The following ODF4 variants were observed in gnomAD, a reference collection of about 807,000 sequenced individuals.
ODF4 encodes outer dense fiber of sperm tails 4.
Under a neutral mutation model 17.0 loss-of-function variants are expected in ODF4, and 11 were observed. That is an observed-to-expected ratio of 0.65 (90% CI 0.41 to 1.07). The LOEUF is 1.07. ODF4 is among the 50% of genes least tolerant of loss of function. ODF4 has a pLI of 0.00. For synonymous variants in ODF4, 127 were observed against 121.8 expected (o/e 1.04, Z -0.28); for missense variants, 281 against 310.2 (o/e 0.91, Z 0.71).
intron 1 of ODF4, among the ~76,000 whole-genome samples, chr17:8,342,865 T>G (rs1379676614): frequency 2.0e-5 from 3 of 151,696 alleles, no homozygotes; most frequent in African/African-American, 4.8e-5. Context: ...CCCAAGTAGC[T>G]GGCACCACAG....
rs1905937172 is a variant in ODF4 at position 8,339,983 on chromosome 17, C to T, written c.-69C>T. On this transcript the variant is annotated 5_prime_UTR_variant, in exon 1 of 3. It introduces an in-frame stop codon into an upstream open reading frame of the 5' UTR. Transcript: ENST00000328248. ...CATGGTGGCAGCTGATGAAAATATC[C>T]AAAAGATGAGAAGAGACAATTGAGT... 9.5e-7 allele frequency: 1 copy of T among 1,055,940 alleles called. No individual in the cohort carries two copies. Among genetic ancestry groups the T allele is most frequent in the Admixed American group, 3.0e-5 (1 of 33,456 alleles). The allele number at this position is 1,055,940 out of a possible 1,614,324, so 65.4% of individuals were successfully genotyped here. A position where few individuals can be genotyped will look rare whatever the true frequency, so the allele number is the denominator to read the frequency against.
chr17:8,342,602 C>G (rs1305457065), intron 1 of ODF4, among the ~76,000 whole-genome samples: 1 of 152,176 alleles, frequency 6.6e-6, no homozygotes, highest in Non-Finnish European at 1.5e-5. Flanking sequence ...TGTGTATAAA[C>G]AGTGAAAATT....
chr17:8,340,461 A>G lies in ODF4; in HGVS notation c.410A>G (p.His137Arg), dbSNP rs983001643. Residue 137 changes from histidine to arginine, a missense_variant, in exon 1 of 3, where the codon CAC (histidine) becomes CGC (arginine). His to Arg is a conservative substitution (Grantham distance 29). Coordinates refer to ENST00000328248, the MANE Select transcript of ODF4 (RefSeq NM_153007.5). Reference sequence around the variant, plus strand: ...CACGTTATGTCCATGGGGCTCCTGCACTTTTACAAATCCAGGAGCTGTTCT... The same window carrying G: ...CACGTTATGTCCATGGGGCTCCTGCGCTTTTACAAATCCAGGAGCTGTTCT... ...SAHVMSMGLL[H>R]FYKSRSCSDL... 2 of 1,613,532 alleles carry G rather than the reference A, an allele frequency of 1.2e-6. No homozygotes were observed. The highest frequency in any genetic ancestry group is 2.7e-5 in the African/African-American group (2 of 74,900).
At chr17:8,344,952 G>T in intron 1 of ODF4, 1 of 1,010,710 alleles carries the variant, frequency 9.9e-7, no homozygotes, top group Non-Finnish European at 1.2e-6. Context: ...GCTGGGCCTC[G>T]TCCTCACCAT....
At chr17:8,341,734 G>A (rs1279457454) in intron 1 of ODF4, among the ~76,000 whole-genome samples, 1 of 151,462 alleles carries the variant, frequency 6.6e-6, no homozygotes, top group Non-Finnish European at 1.5e-5. Context: ...TGCTCCTGGG[G>A]AAAACCAGAG....
In ODF4 at chr17:8,340,309, G is replaced by A. The variant is rs750826291; in HGVS notation, c.258G>A (p.Glu86=). Residue 86 remains glutamate (E), a synonymous_variant, in exon 1 of 3, where the codon GAG becomes GAA. Coordinates refer to ENST00000328248, the MANE Select transcript of ODF4 (RefSeq NM_153007.5). Reference sequence around the variant, plus strand: ...GGATGGCCCAGGTGTTGGCCTCTGAGCTCAGCCTGGTTGCCTTTATCCTAC... The same window carrying A: ...GGATGGCCCAGGTGTTGGCCTCTGAACTCAGCCTGGTTGCCTTTATCCTAC... ...FRWMAQVLAS[E]LSLVAFILLL... 65 of 1,613,420 alleles carry A rather than the reference G, an allele frequency of 4.0e-5. No individual in the cohort carries two copies. Among genetic ancestry groups the A allele is most frequent in the Non-Finnish European group, 5.5e-5 (65 of 1,179,762 alleles).
Position 8,345,625 on chromosome 17 carries a change from C to A in ODF4, c.590-43C>A, listed in dbSNP as rs540329244. 2 of 1,578,194 alleles carry A rather than the reference C, an allele frequency of 1.3e-6. No homozygotes were observed. The highest frequency in any genetic ancestry group is 3.4e-5 in the Admixed American group (2 of 59,598). Reference sequence around the variant, plus strand: ...TCTCACCCTACTTGTCACTTAACCTCCCAGTCACAACTTTCCTCTCCCCTG... The same window carrying A: ...TCTCACCCTACTTGTCACTTAACCTACCAGTCACAACTTTCCTCTCCCCTG... On this transcript the variant is annotated intron_variant, in intron 2 of 2. Transcript: ENST00000328248. This position sits in a 1 kb window ranked among gnomAD's most constrained non-coding sequence, Gnocchi z 4.1.
chr17:8,343,303 T>C (rs1006510530), intron 1 of ODF4, among the ~76,000 whole-genome samples: 19 of 146,704 alleles, frequency 1.3e-4, no homozygotes, highest in Admixed American at 1.2e-3. Context: ...GGCTAATTTT[T>C]GTATTTTTAG....
At position 8,344,199 on chromosome 17, in the gene ODF4, C is replaced by G. The variant is rs984402963; in HGVS notation, c.455-1144C>G. On this transcript the variant is annotated intron_variant, in intron 1 of 2. Transcript: ENST00000328248. ...TCAGCTTCCCAAAGTGGTGGGATTA[C>G]AGGTGCGAGCCACCATGCTCAGCCT... Among the ~76,000 whole-genome samples, 15 of 127,908 alleles carry G rather than the reference C, an allele frequency of 1.2e-4. 3 individuals carry two copies. The highest frequency in any genetic ancestry group is 2.3e-4 in the Non-Finnish European group (14 of 59,684). The allele number at this position is 127,908 out of a possible 152,430, so 83.9% of individuals were successfully genotyped here.
Position 8,340,348 on chromosome 17 carries a change from C to T in ODF4, c.297C>T (p.Ala99=). 1 of 1,612,850 alleles carries T rather than the reference C, an allele frequency of 6.2e-7. No individual in the cohort carries two copies. The highest frequency in any genetic ancestry group is 1.1e-5 in the South Asian group (1 of 90,884). ...LVAFILLLVV[A]FSKKWLDLSR... Reference sequence around the variant, plus strand: ...CCTTTATCCTACTATTGGTCGTGGCCTTCTCCAAGAAATGGCTGGACCTCT... The same window carrying T: ...CCTTTATCCTACTATTGGTCGTGGCTTTCTCCAAGAAATGGCTGGACCTCT... The change falls in exon 1 of 3, where the codon GCC becomes GCT. Residue 99 remains alanine (A), a synonymous_variant. Transcript: ENST00000328248.
At chr17:8,340,884 CAA>C (rs34415817) in intron 1 of ODF4, among the ~76,000 whole-genome samples, 53 of 97,908 alleles carry the variant, frequency 5.4e-4, no homozygotes, top group Middle Eastern at 7.0e-3. Context: ...ACTCCTGTCT[CAA>C]AAAAAAAAAA....
In ODF4 at chr17:8,340,384, C is replaced by A. The variant is rs900032453; in HGVS notation, c.333C>A (p.Leu111=). The change falls in exon 1 of 3, where the codon CTC becomes CTA. Residue 111 remains leucine (L), a synonymous_variant. Transcript: ENST00000328248. The part of the protein sequence containing the change: ...SKKWLDLSRS[L]FYQRWPVDVS... ...AATGGCTGGACCTCTCTAGGAGCCT[C>A]TTCTACCAGCGCTGGCCCGTGGATG... 1.9e-6 allele frequency: 3 copies of A among 1,613,526 alleles called. No homozygotes were observed. Among genetic ancestry groups the A allele is most frequent in the Non-Finnish European group, 1.7e-6 (2 of 1,179,724 alleles).
rs150409885 is a variant in ODF4, at chr17:8,345,446, T to C, written c.558T>C (p.Gly186=). ...SIPIGWSYFI[G]WLVLILYFTC... is the part of the protein sequence containing the mutation. ...CCATAGGCTGGAGCTATTTCATTGG[T>C]TGGCTGGTGCTTATCCTATACTTCA... The change falls in exon 2 of 3, where the codon GGT becomes GGC. Residue 186 remains glycine, a synonymous_variant. Coordinates refer to ENST00000328248, the MANE Select transcript of ODF4 (RefSeq NM_153007.5). The surrounding 1 kb of genome is among the most constrained non-coding windows in gnomAD (Gnocchi z 4.1). 18 of 1,614,032 alleles carry C rather than the reference T, an allele frequency of 1.1e-5. No homozygotes were observed. The highest frequency in any genetic ancestry group is 2.7e-5 in the African/African-American group (2 of 74,912).
intron 1 of ODF4, among the ~76,000 whole-genome samples, chr17:8,341,439 T>G (rs1205962190): frequency 1.3e-5 from 2 of 152,194 alleles, no homozygotes; most frequent in Non-Finnish European, 2.9e-5. Context: ...TCTGTGTTCC[T>G]TCTTTCCCTG....
At position 8,340,151 on chromosome 17, in the gene ODF4, TG is replaced by T; in HGVS notation, c.104del (p.Gly35AlafsTer113). On this transcript the variant is annotated frameshift_variant, in exon 1 of 3. Transcript: ENST00000328248. LOFTEE classifies it high-confidence loss of function. ...GKERKSGEAG[W>X]GTGELGQDGR... is the part of the protein sequence containing the mutation. ...GGAAAGGAAGAGTGGGGAGGCAGGA[TG>T]GGGCACAGGTGAGCTGGGACAAGAT... 1 of 1,577,538 alleles carries T rather than the reference TG, an allele frequency of 6.3e-7. No homozygotes were observed.
chr17:8,342,892 C>T (rs1463653620), intron 1 of ODF4, among the ~76,000 whole-genome samples: 1 of 151,522 alleles, frequency 6.6e-6, no homozygotes, highest in African/African-American at 2.4e-5. Context: ...CCATGCCTGG[C>T]TACTTTTTTT....
chr17:8,342,527 A>G (rs1460009128), intron 1 of ODF4, among the ~76,000 whole-genome samples: 6 of 150,980 alleles, frequency 4.0e-5, no homozygotes. Context: ...CACGGATTAC[A>G]GGCGTGAGCC....
Position 8,341,653 on chromosome 17 carries a change from C to G in ODF4, c.454+1148C>G, listed in dbSNP as rs191081241. ...CAGACTACAGGCCGTGGCCACCACA[C>G]CTGGTTCTTATTGTTGTTAGTCTCT... On this transcript the variant is annotated intron_variant, in intron 1 of 2. Transcript: ENST00000328248. Among the ~76,000 whole-genome samples the G allele has an allele frequency of 3.3e-5, 5 of 152,168 alleles. No individual in the cohort carries two copies. The East Asian group carries it at 9.7e-4, about 29-fold the overall frequency.
At chr17:8,340,662 C>T (rs928382604) in intron 1 of ODF4, among the ~76,000 whole-genome samples, 157 bp downstream of exon 1, 1 of 152,138 alleles carries the variant, frequency 6.6e-6, no homozygotes, top group East Asian at 1.9e-4. Flanking sequence ...ATGATCGTTT[C>T]TCATCCTGTA....
Sources: gnomAD v4.1 joint callset for allele counts (sites outside exome capture counted in the v4.1 genomes callset) on GRCh38, gnomAD v4.1.1 for gene constraint, Gnocchi (gnomAD v3.1) non-coding constraint, MANE v1.5 for transcripts, NCBI Gene and HGNC (gene_info 2026-07-23, HGNC 2026-07-21) for gene names.